Variants in GRIP1 observed in about 807,000 individuals in gnomAD.
The protein encoded by GRIP1 is glutamate receptor-interacting protein 1.
GRIP1 carries 45 observed loss-of-function variants against 129.9 expected under a neutral mutation model. The ratio of observed to expected loss-of-function variants is 0.35; its 90% CI spans 0.27 to 0.44. GRIP1 has a LOEUF of 0.44. GRIP1 is among the 20% of genes least tolerant of loss of function. The pLI is 1.00. For synonymous variants in GRIP1, 530 were observed against 520.8 expected (o/e 1.02, Z -0.24); for missense variants, 1,196 against 1,396.8 (o/e 0.86, Z 2.29).
chr12:66,524,212 CA>C (rs1565824932), intron 5 of GRIP1, among the ~76,000 whole-genome samples: 1 of 152,152 alleles, frequency 6.6e-6, no homozygotes, highest in Non-Finnish European at 1.5e-5. Context: ...CACCCCAAAT[CA>C]ACAGAATATA....
At chr12:66,852,911 T>A (rs1437191816) in intron 1 of GRIP1, among the ~76,000 whole-genome samples, 3 of 151,930 alleles carry the variant, frequency 2.0e-5, no homozygotes, top group Non-Finnish European at 4.4e-5. Context: ...TATCAGCATA[T>A]ATGCCTTTGG....
At chr12:66,954,186 T>C (rs1419315353) in intron 1 of GRIP1, among the ~76,000 whole-genome samples, 1 of 152,190 alleles carries the variant, frequency 6.6e-6, no homozygotes, top group Non-Finnish European at 1.5e-5. Context: ...TCTCATCTCT[T>C]CCCTTCTGCT....
intron 7 of GRIP1, among the ~76,000 whole-genome samples, chr12:66,505,291 T>C (rs1420369213): frequency 6.6e-6 from 1 of 152,188 alleles, no homozygotes; most frequent in East Asian, 1.9e-4. Context: ...GAGGGCCATG[T>C]CAGAAGAAAT....
At chr12:66,959,238 TA>T (rs1202252040) in intron 1 of GRIP1, among the ~76,000 whole-genome samples, 1 of 152,238 alleles carries the variant, frequency 6.6e-6, no homozygotes, top group Non-Finnish European at 1.5e-5. Flanking sequence ...ATTTCCTTTT[TA>T]AACAATAACT....
chr12:66,846,892 GC>G (rs1226421432), intron 1 of GRIP1, among the ~76,000 whole-genome samples: 5 of 152,134 alleles, frequency 3.3e-5, no homozygotes, highest in African/African-American at 1.2e-4. Context: ...GATGAGGGAG[GC>G]AGGCTAAAGA....
At chr12:66,822,959 T>C (rs2039346684) in intron 1 of GRIP1, among the ~76,000 whole-genome samples, 1 of 152,160 alleles carries the variant, frequency 6.6e-6, no homozygotes, top group Non-Finnish European at 1.5e-5. Flanking sequence ...AGCTTGCACA[T>C]GCACTCCCTG....
intron 1 of GRIP1, among the ~76,000 whole-genome samples, chr12:67,043,880 T>TA (rs567106375): frequency 1.2e-3 from 186 of 152,018 alleles, no homozygotes; most frequent in African/African-American, 4.3e-3. Context: ...TTTTTTTTTT[T>TA]AAAAAGGAGA....
chr12:66,830,334 C>A (rs547414745), intron 1 of GRIP1, among the ~76,000 whole-genome samples: 5 of 151,910 alleles, frequency 3.3e-5, no homozygotes, highest in African/African-American at 1.2e-4. Flanking sequence ...CTAGATGGGC[C>A]CAAGGTAATC....
chr12:66,456,399 CA>C (rs1565757907), intron 9 of GRIP1, 57 bp from the exon 10 acceptor site: 2 of 934,672 alleles, frequency 2.1e-6, no homozygotes, highest in Non-Finnish European at 2.9e-6. Flanking sequence ...AACAAAGAAC[CA>C]AAAAAGAGGA....
chr12:66,393,064 C>A (rs1198506651), intron 17 of GRIP1, among the ~76,000 whole-genome samples: 1 of 150,696 alleles, frequency 6.6e-6, no homozygotes, highest in African/African-American at 2.4e-5. Flanking sequence ...TTTTTAATTC[C>A]AAGAAAGCTG....
intron 2 of GRIP1, among the ~76,000 whole-genome samples, chr12:66,582,306 A>G (rs1217657665): frequency 2.1e-5 from 3 of 140,274 alleles, no homozygotes; most frequent in Non-Finnish European, 4.8e-5. Context: ...ATCATACTGA[A>G]TGGGCAAAAA....
At chr12:66,666,497 A>T (rs1193375645) in intron 1 of GRIP1, among the ~76,000 whole-genome samples, 1 of 152,184 alleles carries the variant, frequency 6.6e-6, no homozygotes, top group Non-Finnish European at 1.5e-5. Flanking sequence ...TTAATTTAAT[A>T]CATTATTAAA....
chr12:66,729,907 G>A (rs1263353161), intron 1 of GRIP1, among the ~76,000 whole-genome samples: 2 of 152,156 alleles, frequency 1.3e-5, no homozygotes, highest in Non-Finnish European at 2.9e-5. Flanking sequence ...CTGACTATAA[G>A]ACTCAAGCTT....
chr12:66,939,153 T>C (rs1327177060), intron 1 of GRIP1, among the ~76,000 whole-genome samples: 6 of 152,040 alleles, frequency 3.9e-5, no homozygotes, highest in African/African-American at 1.2e-4. Flanking sequence ...ACCAGCTTTA[T>C]CTGAGAAGAT....
intron 1 of GRIP1, among the ~76,000 whole-genome samples, chr12:66,811,657 C>T (rs1038833871): frequency 1.5e-4 from 23 of 151,982 alleles, no homozygotes; most frequent in Non-Finnish European, 2.9e-4. Context: ...CCCTCCTTCC[C>T]TTCTTTCTCC....
intron 1 of GRIP1, among the ~76,000 whole-genome samples, chr12:66,733,847 A>G (rs758298597): frequency 1.3e-5 from 2 of 152,146 alleles, no homozygotes; most frequent in African/African-American, 2.4e-5. Flanking sequence ...TGCATAACAC[A>G]TGACAGTTTT....
chr12:66,468,679 GT>G (rs35563749), intron 7 of GRIP1, among the ~76,000 whole-genome samples: 73 of 149,236 alleles, frequency 4.9e-4, no homozygotes, highest in African/African-American at 1.5e-3. Flanking sequence ...CCTTAAGTTA[GT>G]TTTTTTTTTT....
intron 1 of GRIP1, among the ~76,000 whole-genome samples, chr12:66,868,132 A>T (rs983247939): frequency 6.6e-6 from 1 of 152,158 alleles, no homozygotes; most frequent in African/African-American, 2.4e-5. Flanking sequence ...AAATTTAAGC[A>T]AAAGAAGCTG....
chr12:66,682,152 A>G (rs2136284525), upstream of GRIP1, among the ~76,000 whole-genome samples: 1 of 152,194 alleles, frequency 6.6e-6, no homozygotes, highest in East Asian at 1.9e-4. Flanking sequence ...GATCTAGTTT[A>G]CAGGGGGACA....
Sources: gnomAD v4.1 joint callset for allele counts (sites outside exome capture counted in the v4.1 genomes callset) on GRCh38, gnomAD v4.1.1 for gene constraint, MANE v1.5 for transcripts, NCBI Gene and HGNC (gene_info 2026-07-23, HGNC 2026-07-21) for gene names.